FAM135B: variants seen among roughly 807,000 people sequenced by gnomAD.
The protein encoded by FAM135B is protein FAM135B.
A neutral mutation model predicts 127.7 loss-of-function variants in FAM135B; 43 were observed. The observed-to-expected ratio is 0.34, with a 90% confidence interval of 0.26 to 0.43. The LOEUF (loss-of-function observed/expected upper bound fraction) is 0.43. FAM135B is among the 20% of genes least tolerant of loss of function. FAM135B has a pLI of 1.00. For missense variants in FAM135B, 1,558 were observed against 1,725.6 expected, an observed-to-expected ratio of 0.90 and a Z score of 1.72; for synonymous variants, 670 against 665.1, an observed-to-expected ratio of 1.01 and a Z score of -0.11.
intron 1 of FAM135B, among the ~76,000 whole-genome samples, chr8:138,480,990 A>G (rs1814753045): frequency 6.6e-6 from 1 of 152,226 alleles, no homozygotes; most frequent in African/African-American, 2.4e-5. Context: ...TTGAATGAAC[A>G]TGTGTTTGAA....
intron 2 of FAM135B, among the ~76,000 whole-genome samples, chr8:138,362,914 A>C (rs1214231230): frequency 6.6e-6 from 1 of 152,192 alleles, no homozygotes; most frequent in African/African-American, 2.4e-5. Flanking sequence ...CTTGGGAATG[A>C]GTAGATGACC....
chr8:138,292,000 T>C (rs948521460), intron 3 of FAM135B, among the ~76,000 whole-genome samples: 8 of 152,072 alleles, frequency 5.3e-5, no homozygotes, highest in African/African-American at 1.9e-4. Context: ...GCAGATGACA[T>C]GATCTCATAT....
chr8:138,360,252 G>A (rs1470770773), intron 2 of FAM135B, among the ~76,000 whole-genome samples: 2 of 152,188 alleles, frequency 1.3e-5, no homozygotes, highest in Non-Finnish European at 2.9e-5. Flanking sequence ...AACAATATTA[G>A]AAATGCAGGT....
intron 7 of FAM135B, among the ~76,000 whole-genome samples, chr8:138,211,073 T>C (rs1041534880): frequency 1.3e-5 from 2 of 152,170 alleles, no homozygotes; most frequent in Non-Finnish European, 2.9e-5. Context: ...CTATAAAAGA[T>C]GCTCCGTGCT....
intron 1 of FAM135B, among the ~76,000 whole-genome samples, chr8:138,400,407 T>C (rs1435617692): frequency 6.6e-6 from 1 of 152,070 alleles, no homozygotes; most frequent in Non-Finnish European, 1.5e-5. Context: ...AGAGACTGGG[T>C]GATAGACTTG....
chr8:138,354,042 C>A (rs1410571708), intron 2 of FAM135B, among the ~76,000 whole-genome samples: 1 of 152,102 alleles, frequency 6.6e-6, no homozygotes, highest in African/African-American at 2.4e-5. Context: ...AACACCAATT[C>A]TTTTCATTCC....
At chr8:138,458,108 C>T (rs1164869377) in intron 1 of FAM135B, among the ~76,000 whole-genome samples, 2 of 152,038 alleles carry the variant, frequency 1.3e-5, no homozygotes, top group Admixed American at 6.6e-5. Context: ...GCTGAGATCA[C>T]GCCGCTGCAC....
intron 15 of FAM135B, chr8:138,144,528 A>G (rs1458365948): frequency 6.6e-6 from 1 of 152,138 alleles, no homozygotes; most frequent in Non-Finnish European, 1.5e-5. Context: ...CATTATTTAA[A>G]CAAGTGGCTA....
chr8:138,336,779 C>G (rs572726665), intron 2 of FAM135B, among the ~76,000 whole-genome samples: 7 of 152,232 alleles, frequency 4.6e-5, no homozygotes, highest in Non-Finnish European at 8.8e-5. Context: ...CATCCTGATA[C>G]CAAAGCCTGG....
At chr8:138,268,695 C>G (rs904569666) in intron 3 of FAM135B, among the ~76,000 whole-genome samples, 1 of 152,142 alleles carries the variant, frequency 6.6e-6, no homozygotes, top group African/African-American at 2.4e-5. Flanking sequence ...CACCCAGAGA[C>G]AGCAAAAGTA....
At chr8:138,223,356 C>T (rs13280614) in intron 7 of FAM135B, among the ~76,000 whole-genome samples, 36,303 of 152,024 alleles carry the variant, frequency 0.24, 4,557 homozygotes, top group Non-Finnish European at 0.27. Flanking sequence ...TAAGCAGTGA[C>T]AATGAACTGT....
chr8:138,460,861 A>G (rs1242065492), intron 1 of FAM135B, among the ~76,000 whole-genome samples: 1 of 152,132 alleles, frequency 6.6e-6, no homozygotes, highest in Non-Finnish European at 1.5e-5. Flanking sequence ...AAGGACGGCA[A>G]AGAATAACTC....
intron 2 of FAM135B, among the ~76,000 whole-genome samples, chr8:138,342,989 A>G (rs1829160929): frequency 6.6e-6 from 1 of 152,268 alleles, no homozygotes; most frequent in Non-Finnish European, 1.5e-5. Flanking sequence ...ATATTGATAT[A>G]TCAGTGACAT....
intron 1 of FAM135B, among the ~76,000 whole-genome samples, chr8:138,427,127 T>C (rs1834932129): frequency 6.6e-6 from 1 of 151,898 alleles, no homozygotes; most frequent in African/African-American, 2.4e-5. Flanking sequence ...TAACTCAGGA[T>C]TGTAAATACC....
At chr8:138,265,994 A>G in intron 3 of FAM135B, 152 bp from the exon 4 acceptor site, 2 of 728,928 alleles carry the variant, frequency 2.7e-6, no homozygotes, top group South Asian at 2.2e-5. Context: ...AGACCTCACC[A>G]TATGAATGTT....
intron 11 of FAM135B, among the ~76,000 whole-genome samples, chr8:138,171,304 C>T (rs1820418233): frequency 6.6e-6 from 1 of 152,124 alleles, no homozygotes; most frequent in African/African-American, 2.4e-5. Context: ...AGAAGTGTTC[C>T]AGGCAGGGAT....
chr8:138,396,680 G>A (rs1832872414), intron 1 of FAM135B, among the ~76,000 whole-genome samples: 1 of 152,108 alleles, frequency 6.6e-6, no homozygotes, highest in African/African-American at 2.4e-5. Flanking sequence ...CTAATAATTG[G>A]GATGCAGATC....
chr8:138,290,435 G>A (rs1011821997), intron 3 of FAM135B, among the ~76,000 whole-genome samples: 2 of 152,122 alleles, frequency 1.3e-5, no homozygotes, highest in African/African-American at 2.4e-5. Context: ...CGGTCTCAAT[G>A]TGTCTATCTT....
chr8:138,132,388 C>A lies in FAM135B; in HGVS notation c.*205G>T. 1.8e-6 allele frequency: 1 copy of A among 551,806 alleles called. No individual in the cohort carries two copies. Among genetic ancestry groups the A allele is most frequent in the Non-Finnish European group, 3.2e-6 (1 of 309,082 alleles). 34.2% of individuals were successfully genotyped at this position (551,806 alleles called of 1,614,324 possible). On this transcript the variant is annotated 3_prime_UTR_variant, in exon 20 of 20. Coordinates refer to ENST00000395297, the MANE Select transcript of FAM135B (RefSeq NM_015912.4). This position sits in a 1 kb window ranked among gnomAD's most constrained non-coding sequence, Gnocchi z 4.5. ...CTCCAGGTAACTATACAAATTCAAGCAAAGTTTGTTGTCATTTAGTCTATT... is the reference window on the plus strand; with the variant it reads ...CTCCAGGTAACTATACAAATTCAAGAAAAGTTTGTTGTCATTTAGTCTATT...
Sources: allele counts gnomAD v4.1 joint callset (sites outside exome capture counted in the v4.1 genomes callset), GRCh38; gene constraint gnomAD v4.1.1; non-coding constraint Gnocchi (gnomAD v3.1); transcripts MANE v1.5; gene names NCBI Gene and HGNC (gene_info 2026-07-23, HGNC 2026-07-21).